SCN11A: variants seen among roughly 807,000 people sequenced by gnomAD.
SCN11A encodes sodium voltage-gated channel alpha subunit 11, also known as sodium channel protein type 11 subunit alpha.
SCN11A carries 122 observed loss-of-function variants against 162.2 expected under a neutral mutation model. The observed-to-expected ratio is 0.75, with a 90% CI of 0.65 to 0.87. SCN11A has a LOEUF of 0.87. Among genes scored for constraint, SCN11A ranks in the 40% least tolerant of loss-of-function variants. SCN11A has a pLI of 0.00. For missense variants in SCN11A, 2,015 were observed against 2,181.6 expected (o/e 0.92, Z 1.52); for synonymous variants, 758 against 751.5 (o/e 1.01, Z -0.14).
intron 16 of SCN11A, among the ~76,000 whole-genome samples, chr3:38,903,325 GATCT>G (rs1157395264): frequency 6.6e-6 from 1 of 152,056 alleles, no homozygotes; most frequent in East Asian, 1.9e-4. Context: ...ACTGAGACTA[GATCT>G]ATCCAATGAG....
chr3:38,992,797 T>C (rs2030492941), intron 2 of SCN11A, among the ~76,000 whole-genome samples: 2 of 152,242 alleles, frequency 1.3e-5, no homozygotes, highest in African/African-American at 4.8e-5. Context: ...AGCTGGGACC[T>C]GCATCTAATC....
chr3:38,880,096 G>T lies in SCN11A; in HGVS notation c.3247C>A (p.Gln1083Lys). ...LIFEDVHLENQPKIQELLNCT... is the reference protein window; with the variant it reads ...LIFEDVHLENKPKIQELLNCT... ...TTTAGTAATTCTTGGATTTTGGGTT[G>T]GTTCTCAAGGTGAACATCTTCAAAT... The change falls in exon 23 of 30, where the codon CAA becomes AAA. Residue 1083 changes from glutamine (Q) to lysine (K), a missense_variant. Coordinates refer to ENST00000302328, the MANE Select transcript of SCN11A (RefSeq NM_001349253.2). 1 of 1,610,362 alleles carries T rather than the reference G, an allele frequency of 6.2e-7. No homozygotes were observed. The highest frequency in any genetic ancestry group is 8.5e-7 in the Non-Finnish European group (1 of 1,177,864).
At chr3:38,911,548 G>T (rs1320451859) in intron 11 of SCN11A, among the ~76,000 whole-genome samples, 1 of 152,084 alleles carries the variant, frequency 6.6e-6, no homozygotes, top group East Asian at 1.9e-4. Context: ...TGCATCTTTA[G>T]TCCCAGGTAA....
chr3:38,884,261 C>A (rs769032933), intron 21 of SCN11A, among the ~76,000 whole-genome samples: 3 of 151,512 alleles, frequency 2.0e-5, no homozygotes, highest in Non-Finnish European at 4.4e-5. Flanking sequence ...TTTGATAAAA[C>A]CACCTTTCTT....
At chr3:38,916,393 C>G (rs1325501025) in intron 11 of SCN11A, among the ~76,000 whole-genome samples, 1 of 152,216 alleles carries the variant, frequency 6.6e-6, no homozygotes, top group Non-Finnish European at 1.5e-5. Flanking sequence ...CACCACTGTA[C>G]ATCTTCATGA....
chr3:38,950,078 C>CCCCCCCCCCCCCCCCCCCACCCCCCG lies in SCN11A; in HGVS notation c.267+17_267+18insCGGGGGGTGGGGGGGGGGGGGGGGGG, dbSNP rs1553644472. 1 of 139,974 alleles carries CCCCCCCCCCCCCCCCCCCACCCCCCG rather than the reference C, an allele frequency of 7.1e-6. No individual in the cohort carries two copies. Among genetic ancestry groups the CCCCCCCCCCCCCCCCCCCACCCCCCG allele is most frequent in the African/African-American group, 3.6e-5 (1 of 27,720 alleles). The allele number at this position is 139,974 out of a possible 1,614,324, so 8.7% of individuals were successfully genotyped here. On this transcript the variant is annotated intron_variant, in intron 5 of 29. Transcript: ENST00000302328. ...GAACACCCCCACCCCCACCCCCCCC[C>CCCCCCCCCCCCCCCCCCCACCCCCCG]CCCGCCCAATGAAGTACCTTATGAT...
intron 7 of SCN11A, among the ~76,000 whole-genome samples, chr3:38,938,511 T>C (rs1559544794): frequency 0.012 from 116 of 9,832 alleles, no homozygotes; most frequent in Middle Eastern, 0.036. Context: ...AAAAATATCA[T>C]ATATATATAT....
In SCN11A at chr3:38,867,412, T is replaced by C; in HGVS notation, c.3860A>G (p.Tyr1287Cys). 7 of 1,613,176 alleles carry C rather than the reference T, an allele frequency of 4.3e-6. No homozygotes were observed. Among genetic ancestry groups the C allele is most frequent in the Non-Finnish European group, 5.9e-6 (7 of 1,179,232 alleles). ...EFESNSLGYIYFVVFIIFGSF... is the reference protein window; with the variant it reads ...EFESNSLGYICFVVFIIFGSF... ...GCCAAAGATGATAAAGACTACGAAG[T>C]AAATGTAACCGAGTGAATTGCTCTC... Residue 1287 changes from tyrosine to cysteine, a missense_variant, in exon 27 of 30, where the codon TAC becomes TGC. Transcript: ENST00000302328.
chr3:38,945,888 T>C (rs1202283506), intron 6 of SCN11A, among the ~76,000 whole-genome samples: 1 of 152,182 alleles, frequency 6.6e-6, no homozygotes, highest in African/African-American at 2.4e-5. Context: ...CTTCCCTTTC[T>C]CCTTCTCCAG....
At chr3:38,933,129 T>G (rs1157337613) in intron 7 of SCN11A, among the ~76,000 whole-genome samples, 1 of 152,204 alleles carries the variant, frequency 6.6e-6, no homozygotes, top group Non-Finnish European at 1.5e-5. Flanking sequence ...GGAGTGGACC[T>G]CTAGCAAACT....
intron 23 of SCN11A, among the ~76,000 whole-genome samples, chr3:38,873,265 G>A (rs1159095381): frequency 6.6e-6 from 1 of 152,116 alleles, no homozygotes; most frequent in African/African-American, 2.4e-5. Context: ...AGTTTTCAGA[G>A]GCTCAGCTTG....
intron 22 of SCN11A, 106 bp from the exon 23 acceptor site, chr3:38,880,229 T>C (rs960603057): frequency 4.1e-6 from 3 of 740,394 alleles, no homozygotes; most frequent in Non-Finnish European, 6.5e-6. Context: ...AACTGGTATC[T>C]CTCTTCGTAA....
At chr3:39,020,391 A>T (rs868549121) in intron 2 of SCN11A, among the ~76,000 whole-genome samples, 9 of 152,206 alleles carry the variant, frequency 5.9e-5, no homozygotes, top group Non-Finnish European at 1.2e-4. Flanking sequence ...CTGAAGCTGC[A>T]TTGGGCAATG....
chr3:38,939,160 G>A (rs368773956), intron 7 of SCN11A, among the ~76,000 whole-genome samples: 4 of 152,020 alleles, frequency 2.6e-5, no homozygotes, highest in East Asian at 1.9e-4. Context: ...GCAAGAAAGC[G>A]AGATTCTGTC....
chr3:38,877,695 T>C (rs34114910), intron 23 of SCN11A, among the ~76,000 whole-genome samples: 824 of 48,506 alleles, frequency 0.017, 77 homozygotes, highest in Non-Finnish European at 0.021. Flanking sequence ...ATATACTATA[T>C]ATATGGTATA....
At chr3:39,035,144 T>C (rs2031871554) in intron 1 of SCN11A, among the ~76,000 whole-genome samples, 1 of 152,064 alleles carries the variant, frequency 6.6e-6, no homozygotes, top group Non-Finnish European at 1.5e-5. Flanking sequence ...GCCAAAGCCA[T>C]CCTAAGCAGA....
intron 2 of SCN11A, among the ~76,000 whole-genome samples, chr3:39,012,233 G>T (rs979241678): frequency 6.6e-6 from 1 of 152,076 alleles, no homozygotes; most frequent in East Asian, 1.9e-4. Flanking sequence ...GCTGAGGCAG[G>T]AGAATCGCTT....
chr3:38,988,022 T>C (rs1462689795), intron 2 of SCN11A, among the ~76,000 whole-genome samples: 2 of 151,354 alleles, frequency 1.3e-5, no homozygotes, highest in African/African-American at 4.9e-5. Flanking sequence ...ACTAGCTACA[T>C]AATTTGTGGC....
chr3:38,873,557 C>T (rs1192582876), intron 23 of SCN11A, among the ~76,000 whole-genome samples: 2 of 152,144 alleles, frequency 1.3e-5, no homozygotes, highest in Non-Finnish European at 2.9e-5. Flanking sequence ...CTCGCAAATA[C>T]TCCACTTATT....
Sources: gnomAD v4.1 joint callset for allele counts (sites outside exome capture counted in the v4.1 genomes callset) on GRCh38, gnomAD v4.1.1 for gene constraint, MANE v1.5 for transcripts, NCBI Gene and HGNC (gene_info 2026-07-23, HGNC 2026-07-21) for gene names.